GPHN: variants seen among roughly 807,000 people sequenced by gnomAD.
The protein encoded by GPHN is gephyrin.
GPHN carries 17 observed loss-of-function variants against 95.5 expected under a neutral mutation model. That is an observed-to-expected ratio of 0.18 (90% CI 0.12 to 0.27). The LOEUF is 0.27. Ranked by LOEUF, GPHN falls within the 10% of genes least tolerant of loss-of-function variation. The pLI, the probability that GPHN is intolerant of heterozygous loss-of-function variation, is 1.00. For synonymous variants in GPHN, 320 were observed against 322.5 expected (o/e 0.99, Z 0.08); for missense variants, 660 against 978.1 (o/e 0.67, Z 4.34).
At chr14:67,329,880 A>AAATG in the GPHN span, among the ~76,000 whole-genome samples, 4 of 89,652 alleles carry the variant, frequency 4.5e-5, no homozygotes, top group African/African-American at 3.8e-4. Context: ...ATAAATAAAT[A>AAATG]GATATAGAAA....
At chr14:66,895,374 G>A (rs1347640842) in intron 5 of GPHN, among the ~76,000 whole-genome samples, 2 of 152,186 alleles carry the variant, frequency 1.3e-5, no homozygotes, top group East Asian at 3.8e-4. Flanking sequence ...GCGGGGAGCG[G>A]GGAGGGAAAG....
chr14:67,028,873 G>A (rs1337351270), intron 10 of GPHN, among the ~76,000 whole-genome samples: 1 of 152,084 alleles, frequency 6.6e-6, no homozygotes, highest in Non-Finnish European at 1.5e-5. Context: ...GTTTGATATA[G>A]TCTCATTTGT....
the GPHN span, among the ~76,000 whole-genome samples, chr14:67,520,653 G>A: frequency 6.6e-6 from 1 of 151,028 alleles, no homozygotes; most frequent in African/African-American, 2.4e-5. Context: ...CTCCATGCAG[G>A]TTTTTATGTG....
intron 1 of GPHN, among the ~76,000 whole-genome samples, chr14:66,619,289 T>C (rs2063184916): frequency 6.6e-6 from 1 of 152,190 alleles, no homozygotes; most frequent in African/African-American, 2.4e-5. Flanking sequence ...GTTTAACTTT[T>C]TAAGAAACTG....
the GPHN span, among the ~76,000 whole-genome samples, chr14:67,666,268 G>A: frequency 1.3e-5 from 2 of 152,060 alleles, no homozygotes; most frequent in African/African-American, 2.4e-5. Context: ...ATGAAAATCC[G>A]CATTCTCAAG....
chr14:66,688,729 A>T (rs924358347), intron 2 of GPHN, among the ~76,000 whole-genome samples: 2 of 152,170 alleles, frequency 1.3e-5, no homozygotes, highest in Non-Finnish European at 2.9e-5. Flanking sequence ...GACTTCCAGT[A>T]CTGTGTTGAA....
chr14:67,430,857 T>C, the GPHN span, among the ~76,000 whole-genome samples: 5 of 152,154 alleles, frequency 3.3e-5, no homozygotes, highest in Non-Finnish European at 7.3e-5. Context: ...AAGCAGTCCC[T>C]TCCTGCTGTG....
chr14:67,602,906 A>G, the GPHN span, among the ~76,000 whole-genome samples: 138 of 152,332 alleles, frequency 9.1e-4, 1 homozygote, highest in East Asian at 0.025. Context: ...TGATAACCAT[A>G]TTTTAATTTA....
intron 17 of GPHN, among the ~76,000 whole-genome samples, chr14:67,141,880 AT>A (rs1311091909): frequency 6.6e-6 from 1 of 152,224 alleles, no homozygotes; most frequent in Non-Finnish European, 1.5e-5. Context: ...CAAATAGTGC[AT>A]TAAGGTAAGG....
At chr14:67,293,107 G>A in the GPHN span, among the ~76,000 whole-genome samples, 4 of 151,904 alleles carry the variant, frequency 2.6e-5, no homozygotes, top group African/African-American at 9.7e-5. Context: ...ATTATATAAC[G>A]CCTAAGATTT....
chr14:67,685,360 C>T, the GPHN span, among the ~76,000 whole-genome samples: 1 of 152,172 alleles, frequency 6.6e-6, no homozygotes, highest in Non-Finnish European at 1.5e-5. Flanking sequence ...TTTATACTTC[C>T]ATCTCACAGA....
At chr14:67,500,728 C>T in the GPHN span, among the ~76,000 whole-genome samples, 96 of 151,724 alleles carry the variant, frequency 6.3e-4, no homozygotes, top group African/African-American at 2.0e-3. Context: ...CCCGCCACCA[C>T]GCCCGGCTAA....
chr14:67,034,949 C>G (rs2074349442), intron 10 of GPHN, among the ~76,000 whole-genome samples: 1 of 151,994 alleles, frequency 6.6e-6, no homozygotes, highest in South Asian at 2.1e-4. Context: ...TTCCACCCAA[C>G]AATAGTAAAA....
chr14:66,870,764 C>T (rs992987882), intron 4 of GPHN, among the ~76,000 whole-genome samples: 1 of 152,126 alleles, frequency 6.6e-6, no homozygotes, highest in Admixed American at 6.6e-5. Flanking sequence ...AATTTAAAAA[C>T]AAACTGGTAA....
At chr14:66,990,608 C>G (rs2071345945) in intron 9 of GPHN, among the ~76,000 whole-genome samples, 1 of 152,106 alleles carries the variant, frequency 6.6e-6, no homozygotes, top group South Asian at 2.1e-4. Flanking sequence ...AATCTGGCAA[C>G]TAAGCACATT....
At chr14:67,506,801 TGGTG>T in the GPHN span, among the ~76,000 whole-genome samples, 1 of 152,110 alleles carries the variant, frequency 6.6e-6, no homozygotes, top group Non-Finnish European at 1.5e-5. Context: ...CTGGCCAACG[TGGTG>T]AAACTCCATC....
At chr14:67,057,250 C>T (rs917721429) in intron 10 of GPHN, among the ~76,000 whole-genome samples, 2 of 152,228 alleles carry the variant, frequency 1.3e-5, no homozygotes, top group African/African-American at 2.4e-5. Flanking sequence ...CCATGGAATG[C>T]TATGCAGCCG....
At chr14:67,273,678 G>A in the GPHN span, among the ~76,000 whole-genome samples, 1 of 152,196 alleles carries the variant, frequency 6.6e-6, no homozygotes, top group Non-Finnish European at 1.5e-5. Context: ...TCTAGTTCTA[G>A]ATCTCTGAGG....
chr14:66,865,276 G>T (rs1464954248), intron 4 of GPHN, among the ~76,000 whole-genome samples: 2 of 152,004 alleles, frequency 1.3e-5, no homozygotes, highest in Non-Finnish European at 2.9e-5. Flanking sequence ...AAGGATAAAT[G>T]CTTGAGGGGA....
Sources: gnomAD v4.1 joint callset for allele counts (sites outside exome capture counted in the v4.1 genomes callset) on GRCh38, gnomAD v4.1.1 for gene constraint, MANE v1.5 for transcripts, NCBI Gene and HGNC (gene_info 2026-07-23, HGNC 2026-07-21) for gene names.